The following ITPR1 variants were observed in gnomAD, a reference collection of about 807,000 sequenced individuals.
ITPR1 encodes the protein inositol 1,4,5-trisphosphate receptor type 1, also known as inositol 1,4,5-trisphosphate-gated calcium channel ITPR1.
In ITPR1, 96 loss-of-function variants were observed where a neutral mutation model predicts 318.4. That is an observed-to-expected ratio of 0.30 (90% CI 0.26 to 0.36). The LOEUF (loss-of-function observed/expected upper bound fraction) is 0.36. Ranked by LOEUF, ITPR1 falls within the 10% of genes least tolerant of loss-of-function variation. The pLI, the probability that ITPR1 is intolerant of heterozygous loss-of-function variation, is 1.00. For synonymous variants in ITPR1, 1,312 were observed against 1,289.9 expected, an observed-to-expected ratio of 1.02 and a Z score of -0.37; for missense variants, 2,440 against 3,460.2, an observed-to-expected ratio of 0.71 and a Z score of 7.40.
At chr3:4,673,046 C>G in intron 20 of ITPR1, 90 bp from the exon 21 acceptor site, 1 of 1,402,898 alleles carries the variant, frequency 7.1e-7, no homozygotes, top group African/African-American at 1.4e-5. Flanking sequence ...AAATGTCACT[C>G]CCATGACAGT....
intron 14 of ITPR1, 46 bp downstream of exon 14, chr3:4,661,133 A>G (rs1290813677): frequency 1.8e-6 from 2 of 1,092,926 alleles, no homozygotes; most frequent in South Asian, 2.5e-5. Context: ...CGTGTTTCCT[A>G]ATGAAAGGGC....
rs543294226 is a variant in ITPR1 at position 4,541,463 on chromosome 3, T to C, written c.163+20369T>C. Among the ~76,000 whole-genome samples the C allele has an allele frequency of 3.9e-5, 6 of 152,296 alleles. No individual in the cohort carries two copies. In the South Asian group the frequency reaches 1.2e-3, roughly 32 times the overall value. On this transcript the variant is annotated intron_variant, in intron 4 of 61. Transcript: ENST00000649015. ...CTCAGTATTTTTTTTTCCCCTCTGG[T>C]TACTTTAGAGGAATCTCTGTCTTTG...
At chr3:4,742,360 A>G (rs1360792564) in intron 44 of ITPR1, among the ~76,000 whole-genome samples, 4 of 152,222 alleles carry the variant, frequency 2.6e-5, no homozygotes, top group Non-Finnish European at 5.9e-5. Context: ...GGTCCGGTAG[A>G]CAAGTGGAGC....
intron 4 of ITPR1, among the ~76,000 whole-genome samples, chr3:4,609,089 T>TATATATATACACACAC (rs1171860541): frequency 3.6e-4 from 33 of 91,936 alleles, no homozygotes; most frequent in East Asian, 1.4e-3. Flanking sequence ...TATATATATA[T>TATATATATACACACAC]ACACACACAC....
At chr3:4,555,692 G>A (rs1274237821) in intron 4 of ITPR1, among the ~76,000 whole-genome samples, 1 of 152,082 alleles carries the variant, frequency 6.6e-6, no homozygotes, top group Non-Finnish European at 1.5e-5. Flanking sequence ...AGTGTAATCA[G>A]CCATTCTCTG....
At chr3:4,642,701 C>T (rs186792986) in intron 7 of ITPR1, among the ~76,000 whole-genome samples, 6 of 152,286 alleles carry the variant, frequency 3.9e-5, no homozygotes, top group Admixed American at 2.6e-4. Flanking sequence ...GTCGAGAAGC[C>T]GGCAGGCTCC....
At chr3:4,760,646 C>T (rs571846713) in intron 44 of ITPR1, among the ~76,000 whole-genome samples, 191 of 152,294 alleles carry the variant, frequency 1.3e-3, no homozygotes, top group Non-Finnish European at 2.2e-3. Context: ...GGCAGGCCAG[C>T]GCTCCTTTCT....
At chr3:4,538,946 T>C (rs2084139561) in intron 4 of ITPR1, among the ~76,000 whole-genome samples, 1 of 152,130 alleles carries the variant, frequency 6.6e-6, no homozygotes, top group African/African-American at 2.4e-5. Flanking sequence ...ACCTAGGTGA[T>C]AGGTTGATAG....
intron 2 of ITPR1, 49 bp from the exon 3 acceptor site, chr3:4,516,427 C>A: frequency 9.6e-7 from 1 of 1,039,626 alleles, no homozygotes; most frequent in East Asian, 2.7e-5. Flanking sequence ...TTTTCCCCTT[C>A]TGAACATTTC....
rs954987228 is a variant in ITPR1, at chr3:4,795,335, A to G, written c.6931+148A>G. 4.5e-5 allele frequency: 30 copies of G among 670,036 alleles called. No individual in the cohort carries two copies. The Middle Eastern group carries it at 8.9e-4, about 20-fold the overall frequency. The allele number at this position is 670,036 out of a possible 1,614,324, so 41.5% of individuals were successfully genotyped here. On this transcript the variant is annotated intron_variant, in intron 53 of 61. Transcript: ENST00000649015. ...ACAAGAGGAGATTGTAGCTGTTACC[A>G]TAGATTTAGTTTTAAATCTAACTTA...
At chr3:4,618,835 T>G (rs1010745299) in intron 4 of ITPR1, among the ~76,000 whole-genome samples, 1 of 152,214 alleles carries the variant, frequency 6.6e-6, no homozygotes, top group African/African-American at 2.4e-5. Context: ...TGACTAGCAT[T>G]AAGCATATTA....
intron 20 of ITPR1, 78 bp downstream of exon 20, chr3:4,671,004 A>C (rs2094066092): frequency 1.8e-6 from 2 of 1,084,992 alleles, no homozygotes; most frequent in Admixed American, 3.0e-5. Flanking sequence ...TCGTTTGTTG[A>C]TTACTTCAAG....
intron 46 of ITPR1, among the ~76,000 whole-genome samples, chr3:4,771,804 G>C (rs1286903065): frequency 6.6e-6 from 1 of 152,154 alleles, no homozygotes; most frequent in African/African-American, 2.4e-5. Flanking sequence ...ATCCAGTTCA[G>C]TGCTTTAAAA....
chr3:4,766,769 T>C, intron 45 of ITPR1, 59 bp downstream of exon 45: 1 of 1,353,772 alleles, frequency 7.4e-7, no homozygotes, highest in East Asian at 2.3e-5. Context: ...GTCCTTGTTA[T>C]CCTTCATTGT....
At position 4,814,375 on chromosome 3, in the gene ITPR1, T is replaced by G. The variant is rs73807164; in HGVS notation, c.7562-48T>G. On this transcript the variant is annotated intron_variant, in intron 57 of 61. Coordinates refer to ENST00000649015, the MANE Select transcript of ITPR1 (RefSeq NM_001378452.1). ...AACAGGATTTCAAAATCCCGGTCTC[T>G]CTTTTCTCCTCACGTTTTCTCTCTG... 5,515 of 1,606,816 alleles carry G rather than the reference T, an allele frequency of 3.4e-3. 121 individuals carry two copies. The African/African-American group carries it at 0.055, about 16-fold the overall frequency.
chr3:4,698,730 C>T (rs2094597131), intron 34 of ITPR1, among the ~76,000 whole-genome samples: 1 of 152,198 alleles, frequency 6.6e-6, no homozygotes, highest in African/African-American at 2.4e-5. Context: ...TGTTCTCAGA[C>T]TGTCTAGTTT....
intron 52 of ITPR1, among the ~76,000 whole-genome samples, chr3:4,789,676 G>C (rs1259232909): frequency 2.0e-5 from 3 of 152,176 alleles, no homozygotes; most frequent in Non-Finnish European, 4.4e-5. Context: ...CTGGAGTGCA[G>C]TGGCGCGATC....
intron 10 of ITPR1, among the ~76,000 whole-genome samples, chr3:4,649,942 A>G (rs2093555852): frequency 6.6e-6 from 1 of 152,208 alleles, no homozygotes. Context: ...ACGATCTCCT[A>G]ATACTATAAC....
intron 4 of ITPR1, among the ~76,000 whole-genome samples, chr3:4,567,565 T>A (rs893808433): frequency 1.4e-4 from 22 of 151,924 alleles, no homozygotes; most frequent in African/African-American, 5.1e-4. Context: ...CTGAGGTGGG[T>A]CATGGAGGGC....
Sources: allele counts gnomAD v4.1 joint callset (sites outside exome capture counted in the v4.1 genomes callset), GRCh38; gene constraint gnomAD v4.1.1; transcripts MANE v1.5; gene names NCBI Gene and HGNC (gene_info 2026-07-23, HGNC 2026-07-21).